Variants in PTPRG observed in about 807,000 individuals in gnomAD.
The protein encoded by PTPRG is protein tyrosine phosphatase receptor type G.
A neutral mutation model predicts 165.3 loss-of-function variants in PTPRG; 102 were observed. The observed-to-expected ratio is 0.62, with a 90% CI of 0.53 to 0.73. The LOEUF (loss-of-function observed/expected upper bound fraction) is 0.73. PTPRG is among the 30% of genes least tolerant of loss of function. The pLI is 0.00. For synonymous variants in PTPRG, 675 were observed against 669.5 expected (o/e 1.01, Z -0.13); for missense variants, 1,866 against 1,861.4 (o/e 1.00, Z -0.05).
Position 62,073,434 on chromosome 3 carries a change from A to G in PTPRG, c.520-4729A>G, listed in dbSNP as rs1701274402. 2.0e-5 allele frequency among the ~76,000 whole-genome samples: 3 copies of G among 152,350 alleles called. No homozygotes were observed. In the South Asian group the frequency reaches 6.2e-4, roughly 32 times the overall value. On this transcript the variant is annotated intron_variant, in intron 4 of 29. Coordinates refer to ENST00000474889, the MANE Select transcript of PTPRG (RefSeq NM_002841.4). Reference sequence around the variant, plus strand: ...CAAGATAAATACCTCCAATAGCGGGATAAACCCGCATAAATGTGCTTGCTG... The same window carrying G: ...CAAGATAAATACCTCCAATAGCGGGGTAAACCCGCATAAATGTGCTTGCTG...
At chr3:62,061,999 G>A (rs1296266327) in intron 4 of PTPRG, among the ~76,000 whole-genome samples, 4 of 151,132 alleles carry the variant, frequency 2.6e-5, no homozygotes, top group South Asian at 2.1e-4. Context: ...GGCATTTTTC[G>A]TTACAATTTA....
chr3:62,267,433 A>G lies in PTPRG; in HGVS notation c.2680A>G (p.Arg894Gly). 6.2e-7 allele frequency: 1 copy of G among 1,610,350 alleles called. No homozygotes were observed. Reference sequence around the variant, plus strand: ...AGATGATCACAGTAGGGTGAAGTTAAGACCTTTACCAGGAAAAGACTCTAA... The same window carrying G: ...AGATGATCACAGTAGGGTGAAGTTAGGACCTTTACCAGGAAAAGACTCTAA... Reference protein sequence around the residue: ...LAYDHSRVKLRPLPGKDSKHS... With the variant: ...LAYDHSRVKLGPLPGKDSKHS... Residue 894 changes from arginine to glycine, a missense_variant, in exon 18 of 30, where the codon AGA (arginine) becomes GGA (glycine). Physicochemically the swap from Arg to Gly is moderately radical, Grantham distance 125. Coordinates refer to ENST00000474889, the MANE Select transcript of PTPRG (RefSeq NM_002841.4).
chr3:61,965,802 T>A (rs2040257514), intron 2 of PTPRG, among the ~76,000 whole-genome samples: 1 of 152,328 alleles, frequency 6.6e-6, no homozygotes, highest in East Asian at 1.9e-4. Context: ...AGGAAACAGA[T>A]GAAGAGTTTA....
intron 14 of PTPRG, among the ~76,000 whole-genome samples, chr3:62,239,684 A>C (rs116109149): frequency 6.6e-6 from 1 of 152,106 alleles, no homozygotes; most frequent in African/African-American, 2.4e-5. Context: ...TTCTATCTCC[A>C]TTCCCCTGCG....
intron 12 of PTPRG, among the ~76,000 whole-genome samples, chr3:62,207,162 G>T (rs973186849): frequency 6.6e-6 from 1 of 152,200 alleles, no homozygotes; most frequent in African/African-American, 2.4e-5. Flanking sequence ...CAGGCCACAG[G>T]TCTCTGCTGC....
rs1314864194 is a variant in PTPRG at position 62,259,433 on chromosome 3, T to C, written c.2560-3365T>C. Among the ~76,000 whole-genome samples the C allele has an allele frequency of 2.0e-5, 3 of 152,204 alleles. No homozygotes were observed. The East Asian group carries it at 5.8e-4, about 29-fold the overall frequency. On this transcript the variant is annotated intron_variant, in intron 16 of 29. Coordinates refer to ENST00000474889, the MANE Select transcript of PTPRG (RefSeq NM_002841.4). ...AGGGAAAAAAAAAACCCTCAATGTT[T>C]TAAGAAAGTTTACGAATTTGTGTTG... is the stretch of plus-strand genomic sequence containing the variant.
intron 6 of PTPRG, among the ~76,000 whole-genome samples, chr3:62,145,201 C>T (rs1178385586): frequency 2.0e-5 from 3 of 152,148 alleles, no homozygotes; most frequent in East Asian, 3.9e-4. Flanking sequence ...ACAACCTGAA[C>T]AAACCACTTC....
Position 62,078,047 on chromosome 3 carries a change from TAAA to T in PTPRG, c.520-115_520-113del. 8.1e-6 allele frequency: 5 copies of T among 616,096 alleles called. 1 individual carries two copies. The highest frequency in any genetic ancestry group is 1.4e-5 in the Non-Finnish European group (5 of 361,876). 38.2% of individuals were successfully genotyped at this position (616,096 alleles called of 1,614,324 possible). A position where few individuals can be genotyped will look rare whatever the true frequency, so the allele number is the denominator to read the frequency against. On this transcript the variant is annotated intron_variant, in intron 4 of 29. Transcript: ENST00000474889. ...CAAAGGAAAAATATGAACAGGTGAA[TAAA>T]TTTGGCAAAATCTTATTAGCAACTG...
chr3:61,732,814 T>G (rs1342370413), intron 1 of PTPRG, among the ~76,000 whole-genome samples: 1 of 152,194 alleles, frequency 6.6e-6, no homozygotes, highest in East Asian at 1.9e-4. Context: ...GAAGGGTGCT[T>G]CTTATCCCCA....
At position 62,032,916 on chromosome 3, in the gene PTPRG, G is replaced by T. The variant is rs79987134; in HGVS notation, c.519+29419G>T. On this transcript the variant is annotated intron_variant, in intron 4 of 29. Coordinates refer to ENST00000474889, the MANE Select transcript of PTPRG (RefSeq NM_002841.4). ...GGAATCAGATGGCAGAATTTGCACA[G>T]GCTTATCTATAAATGCGCACCTGCA... 8.3e-3 allele frequency among the ~76,000 whole-genome samples: 1,268 copies of T among 152,234 alleles called. 19 individuals are homozygous for T. The highest frequency in any genetic ancestry group is 0.029 in the African/African-American group (1,199 of 41,546).
In PTPRG at chr3:62,203,456, C is replaced by A. The variant is rs192743559; in HGVS notation, c.1661C>A (p.Ala554Asp). The A allele has an allele frequency of 8.2e-6, 13 of 1,588,634 alleles. No individual in the cohort carries two copies. In the East Asian group the frequency reaches 2.8e-4, roughly 34 times the overall value. The change falls in exon 12 of 30, where the codon GCC becomes GAC. Residue 554 changes from alanine (A) to aspartate (D), a missense_variant. Physicochemically the swap from Ala to Asp is moderately radical, Grantham distance 126. Coordinates refer to ENST00000474889, the MANE Select transcript of PTPRG (RefSeq NM_002841.4). The surrounding 1 kb of genome is among the most constrained non-coding windows in gnomAD (Gnocchi z 6.4). Reference sequence around the variant, plus strand: ...AAGCAGGCGGCTAGGCCAGTCCTAGCCACCACAGAGGCCTTGGCTTCTCCA... The same window carrying A: ...AAGCAGGCGGCTAGGCCAGTCCTAGACACCACAGAGGCCTTGGCTTCTCCA... ...ASKQAARPVL[A>D]TTEALASPGP... is the part of the protein sequence containing the mutation.
Position 62,115,919 on chromosome 3 carries a change from C to T in PTPRG, c.616-16683C>T, listed in dbSNP as rs1283852887. Among the ~76,000 whole-genome samples, 3 of 152,132 alleles carry T rather than the reference C, an allele frequency of 2.0e-5. No individual in the cohort carries two copies. In the South Asian group the frequency reaches 6.2e-4, roughly 32 times the overall value. On this transcript the variant is annotated intron_variant, in intron 5 of 29. Transcript: ENST00000474889. Reference sequence around the variant, plus strand: ...AGTTTCCTATGATGTTTTTAATTTGCCGGTCAAGGTTTCAGTATATTTTAA... The same window carrying T: ...AGTTTCCTATGATGTTTTTAATTTGTCGGTCAAGGTTTCAGTATATTTTAA...
At chr3:61,687,015 A>G (rs1236798085) in intron 1 of PTPRG, among the ~76,000 whole-genome samples, 1 of 152,206 alleles carries the variant, frequency 6.6e-6, no homozygotes, top group African/African-American at 2.4e-5. Flanking sequence ...TAAATTTAAT[A>G]AAGACATCCC....
chr3:62,239,714 C>T (rs1313525809), intron 14 of PTPRG, among the ~76,000 whole-genome samples: 1 of 152,098 alleles, frequency 6.6e-6, no homozygotes, highest in Non-Finnish European at 1.5e-5. Context: ...AGAGACAATA[C>T]TGCCTCCTTA....
rs72878109 is a variant in PTPRG at position 62,190,932 on chromosome 3, G to A, written c.1034-537G>A. 0.062 allele frequency among the ~76,000 whole-genome samples: 9,398 copies of A among 152,288 alleles called. 468 individuals are homozygous for A. Among genetic ancestry groups the A allele is most frequent in the African/African-American group, 0.13 (5,579 of 41,560 alleles). ...TGAATTCATGTTTAGTTTCTTTCAT[G>A]TGAAACTGGTATTATGGTTACATAG... On this transcript the variant is annotated intron_variant, in intron 8 of 29. Coordinates refer to ENST00000474889, the MANE Select transcript of PTPRG (RefSeq NM_002841.4). This position sits in a 1 kb window ranked among gnomAD's most constrained non-coding sequence, Gnocchi z 5.2.
chr3:62,075,822 C>T (rs111508284), intron 4 of PTPRG, among the ~76,000 whole-genome samples: 18 of 152,174 alleles, frequency 1.2e-4, no homozygotes, highest in African/African-American at 3.9e-4. Flanking sequence ...AATAGCATCA[C>T]GCCTTTTGGA....
At chr3:62,211,971 A>AT (rs1046256975) in intron 12 of PTPRG, among the ~76,000 whole-genome samples, 23 of 149,108 alleles carry the variant, frequency 1.5e-4, no homozygotes, top group Admixed American at 2.7e-4. Flanking sequence ...TTTTTTTTTA[A>AT]TTTTTTTTTA....
chr3:61,795,135 G>A (rs1269606391), intron 2 of PTPRG, among the ~76,000 whole-genome samples: 2 of 152,146 alleles, frequency 1.3e-5, no homozygotes, highest in Non-Finnish European at 2.9e-5. Flanking sequence ...TTACAGATGA[G>A]GGAACTGAGG....
chr3:61,691,926 G>C (rs961050012), intron 1 of PTPRG, among the ~76,000 whole-genome samples: 1 of 152,098 alleles, frequency 6.6e-6, no homozygotes, highest in African/African-American at 2.4e-5. Flanking sequence ...GGATAAAAAG[G>C]GGATGTTTAC....
Sources: gnomAD v4.1 joint callset for allele counts (sites outside exome capture counted in the v4.1 genomes callset) on GRCh38, gnomAD v4.1.1 for gene constraint, Gnocchi (gnomAD v3.1) non-coding constraint, MANE v1.5 for transcripts, NCBI Gene and HGNC (gene_info 2026-07-23, HGNC 2026-07-21) for gene names.